The following RBFOX3 variants were observed in gnomAD, a reference collection of about 807,000 sequenced individuals.
RBFOX3 encodes RNA binding protein fox-1 homolog 3.
Under a neutral mutation model 48.7 loss-of-function variants are expected in RBFOX3, and 17 were observed. That is an observed-to-expected ratio of 0.35 (90% CI 0.24 to 0.52). RBFOX3 has a LOEUF of 0.52. Among genes scored for constraint, RBFOX3 ranks in the 20% least tolerant of loss-of-function variants. The pLI, the probability that RBFOX3 is intolerant of heterozygous loss-of-function variation, is 0.94. For synonymous variants in RBFOX3, 212 were observed against 209.5 expected (o/e 1.01, Z -0.10); for missense variants, 382 against 497.5 (o/e 0.77, Z 2.21).
intron 1 of RBFOX3, among the ~76,000 whole-genome samples, chr17:79,584,469 T>C (rs2093174772): frequency 6.6e-6 from 1 of 152,158 alleles, no homozygotes; most frequent in Non-Finnish European, 1.5e-5. Flanking sequence ...AATCCGCAAT[T>C]ACAAAAATAT....
chr17:79,097,346 A>G lies in RBFOX3; in HGVS notation c.701T>C (p.Val234Ala), dbSNP rs2075528433. ...GAHLRGRGRA[V>A]YNTFRAAPPP... The stretch of plus-strand genomic sequence containing the variant: ...TGGCGCAGCCCGAAATGTATTATAC[A>G]CGGCCCGGCCCCGGCCCCGAAGATG... Residue 234 changes from valine to alanine, a missense_variant, in exon 11 of 15, where the codon GTG becomes GCG. By Grantham distance (64) the Val-to-Ala change is moderately conservative (BLOSUM62 0). Around this residue, in one of 3 missense-constraint regions of RBFOX3, gnomAD observed 215 missense variants for 254.8 expected, o/e 0.84. Transcript: ENST00000693108. 1 of 1,548,542 alleles carries G rather than the reference A, an allele frequency of 6.5e-7. No homozygotes were observed. The highest frequency in any genetic ancestry group is 8.7e-7 in the Non-Finnish European group (1 of 1,146,258).
chr17:79,223,954 T>C (rs2060025328), intron 4 of RBFOX3, among the ~76,000 whole-genome samples: 2 of 151,882 alleles, frequency 1.3e-5, no homozygotes. Context: ...AAGGTGTGTA[T>C]ATTAGGAGGG....
At chr17:79,180,601 T>C (rs904139312) in intron 4 of RBFOX3, among the ~76,000 whole-genome samples, 1 of 152,174 alleles carries the variant, frequency 6.6e-6, no homozygotes, top group Non-Finnish European at 1.5e-5. Context: ...CTCCGGGGGC[T>C]GCTGCAGGCT....
At chr17:79,550,826 A>G (rs1345949313) in intron 1 of RBFOX3, among the ~76,000 whole-genome samples, 1 of 152,158 alleles carries the variant, frequency 6.6e-6, no homozygotes, top group Non-Finnish European at 1.5e-5. Context: ...ATGGACAGAC[A>G]GCTGGATGAT....
chr17:79,147,861 G>A (rs1431869674), intron 4 of RBFOX3, among the ~76,000 whole-genome samples: 2 of 152,258 alleles, frequency 1.3e-5, no homozygotes, highest in Admixed American at 6.5e-5. Flanking sequence ...GCTAATGACT[G>A]TCAACATGAA....
At chr17:79,429,392 G>A (rs2068006018) in intron 2 of RBFOX3, among the ~76,000 whole-genome samples, 2 of 152,234 alleles carry the variant, frequency 1.3e-5, no homozygotes, top group African/African-American at 4.8e-5. Context: ...TCCCCAAATG[G>A]GGACTGGCAA....
intron 4 of RBFOX3, among the ~76,000 whole-genome samples, chr17:79,219,113 G>A (rs773355157): frequency 1.1e-4 from 16 of 152,222 alleles, no homozygotes; most frequent in Non-Finnish European, 1.8e-4. Flanking sequence ...GGGCCCTTGA[G>A]CCCTTCTCCT....
chr17:79,413,411 T>C lies in RBFOX3; in HGVS notation c.-175+69043A>G, dbSNP rs143435317. Among the ~76,000 whole-genome samples, 535 of 152,362 alleles carry C rather than the reference T, an allele frequency of 3.5e-3. 2 individuals carry two copies. Among genetic ancestry groups the C allele is most frequent in the African/African-American group, 0.012 (513 of 41,586 alleles). ...CATCCAGAGGCTTTCTGAATTTCCA[T>C]GGATGTGGGGAGGAGCCACAACACA... On this transcript the variant is annotated intron_variant, in intron 2 of 14. Coordinates refer to ENST00000693108, the MANE Select transcript of RBFOX3 (RefSeq NM_001350451.2).
intron 4 of RBFOX3, among the ~76,000 whole-genome samples, chr17:79,152,606 A>T (rs888522685): frequency 6.6e-6 from 1 of 152,136 alleles, no homozygotes; most frequent in African/African-American, 2.4e-5. Flanking sequence ...GCGAGCAGAG[A>T]CTCTGGGAGC....
chr17:79,343,754 C>A (rs2082447619), intron 2 of RBFOX3, among the ~76,000 whole-genome samples: 1 of 152,170 alleles, frequency 6.6e-6, no homozygotes, highest in Non-Finnish European at 1.5e-5. Flanking sequence ...CATCATTCAT[C>A]TTCCTTCATC....
intron 1 of RBFOX3, among the ~76,000 whole-genome samples, chr17:79,509,245 T>C (rs2083692173): frequency 6.6e-6 from 1 of 152,090 alleles, no homozygotes; most frequent in Non-Finnish European, 1.5e-5. Flanking sequence ...GCCTGGTCGA[T>C]AGGAGCGCCA....
Position 79,090,832 on chromosome 17 carries a change from TG to T in RBFOX3, c.*50del. ...GTTTTTTTTGTTTTGTGATTTTTTT[TG>T]TTTTTTTGTTTTTGCCCTTCATGGT... On this transcript the variant is annotated 3_prime_UTR_variant, in exon 15 of 15. Transcript: ENST00000693108. 5 of 1,500,564 alleles carry T rather than the reference TG, an allele frequency of 3.3e-6. No homozygotes were observed. Among genetic ancestry groups the T allele is most frequent in the Non-Finnish European group, 4.4e-6 (5 of 1,125,534 alleles). 93.0% of individuals were successfully genotyped at this position (1,500,564 alleles called of 1,614,324 possible). A position where few individuals can be genotyped will look rare whatever the true frequency, so the allele number is the denominator to read the frequency against.
intron 2 of RBFOX3, among the ~76,000 whole-genome samples, chr17:79,437,813 C>G (rs1197891167): frequency 1.3e-5 from 2 of 152,256 alleles, no homozygotes; most frequent in African/African-American, 4.8e-5. Flanking sequence ...CTGCTCTGCC[C>G]TTTGGGAATC....
chr17:79,556,083 A>C (rs2091732974), intron 1 of RBFOX3, among the ~76,000 whole-genome samples: 1 of 152,192 alleles, frequency 6.6e-6, no homozygotes, highest in African/African-American at 2.4e-5. Context: ...ACTTGCAATC[A>C]TCCAGACGCA....
intron 2 of RBFOX3, among the ~76,000 whole-genome samples, chr17:79,321,559 A>G (rs552378784): frequency 6.6e-6 from 1 of 152,254 alleles, no homozygotes; most frequent in East Asian, 1.9e-4. Context: ...GAGCTCTACC[A>G]TCGCCAGTGT....
At chr17:79,150,181 C>T (rs974993564) in intron 4 of RBFOX3, among the ~76,000 whole-genome samples, 5 of 151,818 alleles carry the variant, frequency 3.3e-5, no homozygotes, top group Admixed American at 6.6e-5. Context: ...TGGTGGGCAG[C>T]GGTGGGCGGC....
At chr17:79,307,548 G>A (rs12950568) in intron 3 of RBFOX3, among the ~76,000 whole-genome samples, 176 bp downstream of exon 3, 2,750 of 152,302 alleles carry the variant, frequency 0.018, 94 homozygotes, top group South Asian at 0.15. Flanking sequence ...AAGCACAGAG[G>A]AGTTAGGGAA....
intron 1 of RBFOX3, among the ~76,000 whole-genome samples, chr17:79,496,839 G>A (rs1279365323): frequency 3.9e-5 from 6 of 152,172 alleles, no homozygotes; most frequent in African/African-American, 1.2e-4. Context: ...AAGCCTGCCT[G>A]CCTCCCACGG....
rs2078484595 is a variant in RBFOX3 at position 79,479,625 on chromosome 17, G to A, written c.-175+2829C>T. On this transcript the variant is annotated intron_variant, in intron 2 of 14. Transcript: ENST00000693108. This position sits in a 1 kb window ranked among gnomAD's most constrained non-coding sequence, Gnocchi z 5.1. ...GCTCAGGTCCAAAAGAGCTTGTGGG[G>A]TGACCCCACCAACCCTGGACTTCCC... 6.6e-6 allele frequency among the ~76,000 whole-genome samples: 1 copy of A among 152,228 alleles called. No homozygotes were observed. The highest frequency in any genetic ancestry group is 2.4e-5 in the African/African-American group (1 of 41,456).
Sources: gnomAD v4.1 joint callset for allele counts (sites outside exome capture counted in the v4.1 genomes callset) on GRCh38, gnomAD v4.1.1 for gene constraint, gnomAD v4.1.1 regional missense constraint, Gnocchi (gnomAD v3.1) non-coding constraint, MANE v1.5 for transcripts, NCBI Gene and HGNC (gene_info 2026-07-23, HGNC 2026-07-21) for gene names.